MAP3K2: variants seen among roughly 807,000 people sequenced by gnomAD.
MAP3K2 encodes MAP/ERK kinase kinase 2.
MAP3K2 carries 24 observed loss-of-function variants against 80.3 expected under a neutral mutation model. That is an observed-to-expected ratio of 0.30 (90% CI 0.22 to 0.42). MAP3K2 has a LOEUF of 0.42. Among genes scored for constraint, MAP3K2 ranks in the 10% least tolerant of loss-of-function variants. The probability of loss-of-function intolerance (pLI) is 1.00; values close to 1 mark genes in which losing one functional copy is unlikely to be tolerated. For synonymous variants in MAP3K2, 244 were observed against 253.7 expected, an observed-to-expected ratio of 0.96 and a Z score of 0.36; for missense variants, 608 against 750.1, an observed-to-expected ratio of 0.81 and a Z score of 2.21.
Position 127,373,710 on chromosome 2 carries a change from T to C in MAP3K2, c.-66+13742A>G, listed in dbSNP as rs182758910. Among the ~76,000 whole-genome samples the C allele has an allele frequency of 5.5e-4, 84 of 152,308 alleles. No homozygotes were observed. In the East Asian group the frequency reaches 0.014, roughly 24 times the overall value. Reference sequence around the variant, plus strand: ...AACAAGACAGATGGGCCCAGAGCTATGCTTTCTAGAATGGGTTTTTTGCTC... The same window carrying C: ...AACAAGACAGATGGGCCCAGAGCTACGCTTTCTAGAATGGGTTTTTTGCTC... On this transcript the variant is annotated intron_variant, in intron 1 of 16. Transcript: ENST00000682094.
At chr2:127,359,501 TGA>T (rs575734797) in intron 1 of MAP3K2, among the ~76,000 whole-genome samples, 22 of 152,346 alleles carry the variant, frequency 1.4e-4, no homozygotes, top group African/African-American at 5.1e-4. Context: ...ATTGCATTGA[TGA>T]GAGAGTGTCA....
At chr2:127,388,199 C>G (rs948898707), upstream of MAP3K2, 2 of 984,558 alleles carry the variant, frequency 2.0e-6, no homozygotes, top group Admixed American at 6.1e-5. Context: ...CGCCCCCGCC[C>G]CTGCCCCGGG....
chr2:127,382,407 T>C (rs977401311), intron 1 of MAP3K2, among the ~76,000 whole-genome samples: 1 of 152,254 alleles, frequency 6.6e-6, no homozygotes, highest in African/African-American at 2.4e-5. Context: ...AAAAGATATC[T>C]GGAAGTGTTT....
chr2:127,388,385 G>A (rs1687425248), upstream of MAP3K2: 10 of 985,408 alleles, frequency 1.0e-5, no homozygotes, highest in Non-Finnish European at 1.2e-5. Context: ...TGTGTGGCAG[G>A]TCATTTGCAA....
intron 14 of MAP3K2, among the ~76,000 whole-genome samples, chr2:127,315,803 G>T (rs1056085622): frequency 6.6e-6 from 1 of 152,020 alleles, no homozygotes; most frequent in African/African-American, 2.4e-5. Flanking sequence ...GCCAGGCATC[G>T]GCTGGGCGTG....
At chr2:127,330,260 A>G (rs1276673056) in intron 6 of MAP3K2, 132 bp downstream of exon 6, 2 of 591,408 alleles carry the variant, frequency 3.4e-6, no homozygotes, top group Non-Finnish European at 5.9e-6. Context: ...TATAGTAATT[A>G]AAGGATGTAA....
chr2:127,326,957 T>C, intron 7 of MAP3K2, 140 bp from the exon 8 acceptor site: 1 of 532,074 alleles, frequency 1.9e-6, no homozygotes, highest in South Asian at 3.2e-5. Flanking sequence ...TATCAGAACA[T>C]TCATTTGTAA....
chr2:127,300,953 T>C lies in MAP3K2; in HGVS notation c.*6626A>G, dbSNP rs1375251925. ...CCTCCAAGTAAAGCTAATGCTAAAA[T>C]CATCACTAGTTACATATGCTTTTAA... On this transcript the variant is annotated 3_prime_UTR_variant, in exon 17 of 17. Transcript: ENST00000682094. The C allele has an allele frequency of 6.6e-6, 1 of 152,220 alleles. No individual in the cohort carries two copies. Among genetic ancestry groups the C allele is most frequent in the Non-Finnish European group, 1.5e-5 (1 of 68,036 alleles). 9.4% of individuals were successfully genotyped at this position (152,220 alleles called of 1,614,324 possible).
At position 127,387,587 on chromosome 2, in the gene MAP3K2, G is replaced by GGGGCGCGCGAGGAGTC. The variant is rs1687393243; in HGVS notation, c.-217_-202dup. On this transcript the variant is annotated 5_prime_UTR_variant, in exon 1 of 17. Transcript: ENST00000682094. ...TGCCGCAGGGCCCCCGGGGACCGGA[G>GGGGCGCGCGAGGAGTC]GGGCGCGCGAGGAGTCGGGCGCGGG... 3.0e-6 allele frequency: 3 copies of GGGGCGCGCGAGGAGTC among 984,902 alleles called. No individual in the cohort carries two copies. The African/African-American group carries it at 5.2e-5, about 17-fold the overall frequency. The allele number at this position is 984,902 out of a possible 1,614,324, so 61.0% of individuals were successfully genotyped here. A position where few individuals can be genotyped will look rare whatever the true frequency, so the allele number is the denominator to read the frequency against.
At chr2:127,375,440 T>TC (rs1687135966) in intron 1 of MAP3K2, among the ~76,000 whole-genome samples, 1 of 150,870 alleles carries the variant, frequency 6.6e-6, no homozygotes, top group South Asian at 2.1e-4. Context: ...AGACAGAGTC[T>TC]CACTCTGTCA....
Position 127,322,171 on chromosome 2 carries a change from G to C in MAP3K2, c.920C>G (p.Ser307Cys). The change falls in exon 12 of 17, where the codon TCC (serine) becomes TGC (cysteine). Residue 307 changes from serine (S) to cysteine (C), a missense_variant. Ser to Cys is a moderately radical substitution (Grantham distance 112). Around this residue, in one of 4 missense-constraint regions of MAP3K2, gnomAD observed 467 missense variants for 521.9 expected, o/e 0.89. Coordinates refer to ENST00000682094, the MANE Select transcript of MAP3K2 (RefSeq NM_001371910.2). This position sits in a 1 kb window ranked among gnomAD's most constrained non-coding sequence, Gnocchi z 4.2. ...SPVSFSPTDH[S>C]LSTSSGSSIF... is the part of the protein sequence containing the mutation. ...ACTGCTTCCACTACTAGTGCTTAAG[G>C]AATGATCAGTAGGACTGAAACTCAC... is the stretch of plus-strand genomic sequence containing the variant. The C allele has an allele frequency of 1.2e-6, 2 of 1,613,886 alleles. No individual in the cohort carries two copies. Among genetic ancestry groups the C allele is most frequent in the Non-Finnish European group, 1.7e-6 (2 of 1,179,820 alleles).
At position 127,308,660 on chromosome 2, in the gene MAP3K2, G is replaced by A; in HGVS notation, c.1559C>T (p.Ser520Phe). The A allele has an allele frequency of 2.5e-6, 4 of 1,613,912 alleles. No individual in the cohort carries two copies. Among genetic ancestry groups the A allele is most frequent in the Non-Finnish European group, 3.4e-6 (4 of 1,179,838 alleles). ...CATCCAGTATGGTGTGCCCGTGACA[G>A]ACTTCATTCCTGTCCCTGAGAGACA... is the stretch of plus-strand genomic sequence containing the variant. ...TICLSGTGMK[S>F]VTGTPYWMSP... The change falls in exon 16 of 17, where the codon TCT becomes TTT. Residue 520 changes from serine (S) to phenylalanine (F), a missense_variant. By Grantham distance (155) the Ser-to-Phe change is radical. Transcript: ENST00000682094.
In MAP3K2 at chr2:127,372,522, T is replaced by C. The variant is rs189579460; in HGVS notation, c.-66+14930A>G. 4.5e-4 allele frequency among the ~76,000 whole-genome samples: 69 copies of C among 152,238 alleles called. No individual in the cohort carries two copies. The Middle Eastern group carries it at 0.017, about 38-fold the overall frequency. On this transcript the variant is annotated intron_variant, in intron 1 of 16. Coordinates refer to ENST00000682094, the MANE Select transcript of MAP3K2 (RefSeq NM_001371910.2). ...ACTCAGAAACAAAAAATTGTTGGCA[T>C]TGGGGAAGCGCACACAGCCAAGCAG...
chr2:127,319,844 T>TAA (rs750112594), intron 12 of MAP3K2, among the ~76,000 whole-genome samples: 4 of 108,400 alleles, frequency 3.7e-5, no homozygotes, highest in Non-Finnish European at 4.0e-5. Flanking sequence ...CATCTCAAAT[T>TAA]AAAAAAAAAA....
chr2:127,388,109 A>ACGCCCACACACAGGCCAC (rs1477540677), upstream of MAP3K2: 8 of 983,410 alleles, frequency 8.1e-6, no homozygotes, highest in Admixed American at 6.2e-5. Flanking sequence ...GAGGCCCGCC[A>ACGCCCACACACAGGCCAC]CGCCCACACA....
At position 127,330,458 on chromosome 2, in the gene MAP3K2, T is replaced by C; in HGVS notation, c.312A>G (p.Glu104=). Residue 104 remains glutamate, a synonymous_variant, in exon 6 of 17, where the codon GAA becomes GAG. Transcript: ENST00000682094. ...TCATATGAATACTACGATCCAGCAG[T>C]TCCACAGCTTTGTCCAAGTCATCTT... The part of the protein sequence containing the change: ...TTQDDLDKAV[E]LLDRSIHMKS... The C allele has an allele frequency of 6.2e-7, 1 of 1,610,132 alleles. No homozygotes were observed. Among genetic ancestry groups the C allele is most frequent in the South Asian group, 1.1e-5 (1 of 90,468 alleles).
chr2:127,360,547 T>C (rs569821056), intron 1 of MAP3K2, among the ~76,000 whole-genome samples: 4 of 152,292 alleles, frequency 2.6e-5, no homozygotes, highest in South Asian at 2.1e-4. Flanking sequence ...ATGTCAAAAT[T>C]TGCCATAATT....
chr2:127,360,620 C>G (rs931518284), intron 1 of MAP3K2, among the ~76,000 whole-genome samples: 7 of 152,132 alleles, frequency 4.6e-5, no homozygotes, highest in African/African-American at 1.7e-4. Context: ...CAAAATTATT[C>G]TTTAATGCTA....
intron 13 of MAP3K2, 106 bp downstream of exon 13, chr2:127,318,063 G>GA (rs370860947): frequency 0.053 from 27,119 of 513,964 alleles, 400 homozygotes; most frequent in African/African-American, 0.074. Flanking sequence ...TTTTTTTTTT[G>GA]AAAAAAAATG....
Sources: gnomAD v4.1 joint callset for allele counts (sites outside exome capture counted in the v4.1 genomes callset) on GRCh38, gnomAD v4.1.1 for gene constraint, gnomAD v4.1.1 regional missense constraint, Gnocchi (gnomAD v3.1) non-coding constraint, MANE v1.5 for transcripts, NCBI Gene and HGNC (gene_info 2026-07-23, HGNC 2026-07-21) for gene names.